Variants in AGBL1 observed in about 807,000 individuals in gnomAD.
AGBL1 encodes AGBL carboxypeptidase 1.
In AGBL1, 130 loss-of-function variants were observed where a neutral mutation model predicts 118.9. That is an observed-to-expected ratio of 1.09 (90% CI 0.95 to 1.26). AGBL1 has a LOEUF of 1.26. AGBL1 is among the 50% of genes most tolerant of loss of function. The pLI, the probability that AGBL1 is intolerant of heterozygous loss-of-function variation, is 0.00. For synonymous variants in AGBL1, 555 were observed against 478.9 expected, an observed-to-expected ratio of 1.16 and a Z score of -2.08; for missense variants, 1,584 against 1,298.1, an observed-to-expected ratio of 1.22 and a Z score of -3.38.
intron 22 of AGBL1, among the ~76,000 whole-genome samples, chr15:86,735,501 C>G (rs562132417): frequency 7.0e-6 from 1 of 142,174 alleles, no homozygotes; most frequent in East Asian, 1.9e-4. Context: ...ATTAGAACAT[C>G]TATCTATCTA....
intron 6 of AGBL1, among the ~76,000 whole-genome samples, chr15:86,228,709 G>A (rs2078406537): frequency 6.6e-6 from 1 of 152,214 alleles, no homozygotes; most frequent in Non-Finnish European, 1.5e-5. Context: ...TCATTATTCA[G>A]CTTTCTCTTT....
intron 22 of AGBL1, among the ~76,000 whole-genome samples, chr15:86,809,845 T>A (rs1368074131): frequency 6.6e-6 from 1 of 152,192 alleles, no homozygotes; most frequent in Non-Finnish European, 1.5e-5. Context: ...TCTGAGGAGA[T>A]AAGCAGCTCT....
At chr15:86,951,032 T>G (rs1419182296) in intron 23 of AGBL1, among the ~76,000 whole-genome samples, 8 of 152,176 alleles carry the variant, frequency 5.3e-5, no homozygotes, top group Admixed American at 1.3e-4. Context: ...TACAAAAACC[T>G]CAAACTGGGT....
At chr15:86,975,849 T>C (rs1464372263) in intron 23 of AGBL1, among the ~76,000 whole-genome samples, 7 of 152,128 alleles carry the variant, frequency 4.6e-5, no homozygotes, top group African/African-American at 9.7e-5. Flanking sequence ...TTTTCCTAGA[T>C]AGCCAAAATG....
At chr15:86,649,610 A>C (rs572277508) in intron 21 of AGBL1, among the ~76,000 whole-genome samples, 1 of 152,298 alleles carries the variant, frequency 6.6e-6, no homozygotes, top group South Asian at 2.1e-4. Flanking sequence ...TGATCATATC[A>C]GTCCAAATTC....
At chr15:86,710,142 C>G (rs1346697367) in intron 22 of AGBL1, among the ~76,000 whole-genome samples, 1 of 149,392 alleles carries the variant, frequency 6.7e-6, no homozygotes, top group African/African-American at 2.5e-5. Flanking sequence ...TCGCACTCAT[C>G]ATCCCTTACA....
At chr15:86,992,963 G>T (rs1239708466) in intron 24 of AGBL1, among the ~76,000 whole-genome samples, 2 of 152,136 alleles carry the variant, frequency 1.3e-5, no homozygotes, top group Non-Finnish European at 2.9e-5. Flanking sequence ...AATATCTCCA[G>T]TGTGGTGAGT....
chr15:86,935,505 A>G (rs1471197227), intron 23 of AGBL1, among the ~76,000 whole-genome samples: 3 of 152,146 alleles, frequency 2.0e-5, no homozygotes, highest in East Asian at 1.9e-4. Context: ...CAGCTCCTTC[A>G]GGGGCAAGCT....
intron 1 of AGBL1, among the ~76,000 whole-genome samples, chr15:86,128,634 G>A (rs750152382): frequency 4.6e-5 from 7 of 152,130 alleles, no homozygotes; most frequent in East Asian, 1.9e-4. Flanking sequence ...CAGTGTTTGC[G>A]CGTTATTTTA....
chr15:86,909,122 A>C lies in AGBL1; in HGVS notation c.*1828A>C, dbSNP rs934761486. The C allele has an allele frequency of 6.6e-6, 1 of 152,240 alleles. No homozygotes were observed. The highest frequency in any genetic ancestry group is 1.5e-5 in the Non-Finnish European group (1 of 68,048). The allele number at this position is 152,240 out of a possible 1,614,324, so 9.4% of individuals were successfully genotyped here. A position where few individuals can be genotyped will look rare whatever the true frequency, so the allele number is the denominator to read the frequency against. The stretch of plus-strand genomic sequence containing the variant: ...TTTTCTATCTTTCCAAAAGCTCTAC[A>C]TAATATTTCTTCTTAATCCCACCGG... On this transcript the variant is annotated 3_prime_UTR_variant, in exon 23 of 23. Transcript: ENST00000614907.
chr15:86,341,045 G>A (rs2080454017), intron 17 of AGBL1, among the ~76,000 whole-genome samples: 2 of 152,172 alleles, frequency 1.3e-5, no homozygotes, highest in South Asian at 4.1e-4. Context: ...TTACTGCTGG[G>A]GTAGGACGTG....
At chr15:86,392,412 C>A (rs1423647053) in intron 17 of AGBL1, among the ~76,000 whole-genome samples, 1 of 152,104 alleles carries the variant, frequency 6.6e-6, no homozygotes, top group Non-Finnish European at 1.5e-5. Context: ...TTGAAAATAT[C>A]CTGATGAATG....
At chr15:86,547,986 C>G (rs1250942882) in intron 20 of AGBL1, among the ~76,000 whole-genome samples, 2 of 152,130 alleles carry the variant, frequency 1.3e-5, no homozygotes, top group African/African-American at 2.4e-5. Context: ...CTATCACTGA[C>G]ACTCTAAATT....
chr15:86,855,394 GT>G (rs2079463497), intron 22 of AGBL1, among the ~76,000 whole-genome samples: 1 of 152,172 alleles, frequency 6.6e-6, no homozygotes. Flanking sequence ...TGCCTCTTGA[GT>G]TCCAGGGCTT....
chr15:86,830,613 C>G (rs113731255), intron 22 of AGBL1, among the ~76,000 whole-genome samples: 6 of 152,320 alleles, frequency 3.9e-5, no homozygotes, highest in African/African-American at 1.4e-4. Context: ...TAGCTACTGT[C>G]AGGGCCTAGT....
At chr15:86,534,673 G>T (rs1435577951) in intron 19 of AGBL1, among the ~76,000 whole-genome samples, 1 of 152,112 alleles carries the variant, frequency 6.6e-6, no homozygotes, top group Non-Finnish European at 1.5e-5. Context: ...TTATGCACTG[G>T]AATATTATTC....
At chr15:86,996,593 C>A (rs1292441020) in intron 24 of AGBL1, among the ~76,000 whole-genome samples, 1 of 152,156 alleles carries the variant, frequency 6.6e-6, no homozygotes, top group Non-Finnish European at 1.5e-5. Flanking sequence ...CAGAGCAAGA[C>A]CTTGTCTCAA....
chr15:86,888,745 A>T (rs986440688), intron 22 of AGBL1, among the ~76,000 whole-genome samples: 3 of 152,154 alleles, frequency 2.0e-5, no homozygotes, highest in African/African-American at 7.2e-5. Flanking sequence ...ATTCATGTCT[A>T]TGTACCTCTA....
At chr15:86,551,287 T>C (rs1305378336) in intron 20 of AGBL1, among the ~76,000 whole-genome samples, 1 of 152,114 alleles carries the variant, frequency 6.6e-6, no homozygotes, top group Non-Finnish European at 1.5e-5. Context: ...AACATGCTTT[T>C]CATTCAATAA....
Sources: allele counts gnomAD v4.1 joint callset (sites outside exome capture counted in the v4.1 genomes callset), GRCh38; gene constraint gnomAD v4.1.1; transcripts MANE v1.5; gene names NCBI Gene and HGNC (gene_info 2026-07-23, HGNC 2026-07-21).